CEP135: variants seen among roughly 807,000 people sequenced by gnomAD.
CEP135 encodes centrosomal protein 135, also known as centrosomal protein of 135 kDa.
In CEP135, 142 loss-of-function variants were observed where a neutral mutation model predicts 157.3. The observed-to-expected ratio is 0.90, with a 90% CI of 0.79 to 1.04. The LOEUF is 1.04. CEP135 is among the 50% of genes least tolerant of loss of function. The pLI is 0.00. For missense variants in CEP135, 1,317 were observed against 1,309.2 expected, an observed-to-expected ratio of 1.01 and a Z score of -0.09; for synonymous variants, 396 against 439.8, an observed-to-expected ratio of 0.90 and a Z score of 1.25.
At chr4:55,955,247 G>A (rs1728470313) in intron 4 of CEP135, among the ~76,000 whole-genome samples, 1 of 152,208 alleles carries the variant, frequency 6.6e-6, no homozygotes, top group Non-Finnish European at 1.5e-5. Flanking sequence ...TGGATTATGA[G>A]GCTAGGTCAA....
Position 56,021,230 on chromosome 4 carries a change from A to G in CEP135, c.3320+450A>G, listed in dbSNP as rs574246176. On this transcript the variant is annotated intron_variant, in intron 24 of 25. Transcript: ENST00000257287. ...AAGGTAATGATTTGAAGATAGTAAC[A>G]GCAGTTAACAAATGTGGACCAGACA... Among the ~76,000 whole-genome samples, 384 of 152,324 alleles carry G rather than the reference A, an allele frequency of 2.5e-3. 1 individual carries two copies. Among genetic ancestry groups the G allele is most frequent in the Non-Finnish European group, 4.4e-3 (302 of 68,032 alleles).
At chr4:56,017,203 A>C (rs1730806349) in intron 21 of CEP135, among the ~76,000 whole-genome samples, 1 of 152,122 alleles carries the variant, frequency 6.6e-6, no homozygotes, top group Non-Finnish European at 1.5e-5. Context: ...TAAATTATCC[A>C]GGTATATAGT....
chr4:55,992,024 C>A lies in CEP135; in HGVS notation c.1948C>A (p.Gln650Lys), dbSNP rs1336897811. The change falls in exon 15 of 26, where the codon CAA becomes AAA. Residue 650 changes from glutamine to lysine, a missense_variant. Transcript: ENST00000257287. Reference sequence around the variant, plus strand: ...AGAGAACAAATTAAAAGTCCAAGCTCAAAAATTTAGCCATGTGGCTGGTGA... The same window carrying A: ...AGAGAACAAATTAAAAGTCCAAGCTAAAAAATTTAGCCATGTGGCTGGTGA... The part of the protein sequence containing the change: ...SLENKLKVQA[Q>K]KFSHVAGDSS... 1.4e-5 allele frequency: 22 copies of A among 1,609,928 alleles called. No individual in the cohort carries two copies. The highest frequency in any genetic ancestry group is 1.8e-5 in the Non-Finnish European group (21 of 1,178,604).
At chr4:55,987,591 G>A (rs4128946) in intron 14 of CEP135, among the ~76,000 whole-genome samples, 72,150 of 151,898 alleles carry the variant, frequency 0.47, 17,675 homozygotes, top group African/African-American at 0.6. Context: ...TCATTGCCTG[G>A]TGCCTATTGT....
rs1296809133 is a variant in CEP135 at position 56,032,468 on chromosome 4, T to C, written c.*1120T>C. ...TCAGAAAAAAAAAAAAAGAAAAATATATGGGGTAAATACAGTAAAACGTTT... is the reference window on the plus strand; with the variant it reads ...TCAGAAAAAAAAAAAAAGAAAAATACATGGGGTAAATACAGTAAAACGTTT... On this transcript the variant is annotated 3_prime_UTR_variant, in exon 26 of 26. Transcript: ENST00000257287. The C allele has an allele frequency of 6.6e-6, 1 of 150,692 alleles. No individual in the cohort carries two copies. The highest frequency in any genetic ancestry group is 2.4e-5 in the African/African-American group (1 of 40,922). 9.3% of individuals were successfully genotyped at this position (150,692 alleles called of 1,614,324 possible).
chr4:55,955,145 G>A (rs1004108494), intron 4 of CEP135, among the ~76,000 whole-genome samples: 2 of 152,234 alleles, frequency 1.3e-5, no homozygotes, highest in Non-Finnish European at 1.5e-5. Flanking sequence ...GTATGGGTTG[G>A]TGGTAGAATC....
chr4:56,019,656 C>A, intron 23 of CEP135, 101 bp downstream of exon 23: 2 of 939,938 alleles, frequency 2.1e-6, no homozygotes, highest in Non-Finnish European at 3.1e-6. Flanking sequence ...GAAAGATAGG[C>A]CAGGTGCAGT....
intron 6 of CEP135, among the ~76,000 whole-genome samples, chr4:55,962,956 T>G (rs182574945): frequency 6.6e-6 from 1 of 152,290 alleles, no homozygotes; most frequent in African/African-American, 2.4e-5. Flanking sequence ...ATTGGGCATT[T>G]CCACTTGGGT....
At chr4:55,965,882 TG>T in intron 8 of CEP135, 23 bp downstream of exon 8, 1 of 1,558,462 alleles carries the variant, frequency 6.4e-7, no homozygotes, top group Non-Finnish European at 8.8e-7. Context: ...ATGTGTAGAT[TG>T]TGAGAGTGTT....
chr4:55,982,283 A>G (rs1577884024), intron 13 of CEP135, among the ~76,000 whole-genome samples: 2 of 152,326 alleles, frequency 1.3e-5, no homozygotes, highest in East Asian at 1.9e-4. Flanking sequence ...AGGAACTTGT[A>G]TACAACTTTT....
At chr4:55,967,290 TAAAA>T (rs1416363119) in intron 8 of CEP135, among the ~76,000 whole-genome samples, 1 of 152,154 alleles carries the variant, frequency 6.6e-6, no homozygotes, top group Non-Finnish European at 1.5e-5. Context: ...ATTTATGAAA[TAAAA>T]AAGTAAAATT....
At chr4:56,031,242 A>G (rs1367218746) in intron 25 of CEP135, 118 bp from the exon 26 acceptor site, 1 of 152,604 alleles carries the variant, frequency 6.6e-6, no homozygotes, top group East Asian at 1.9e-4. Context: ...TGGGGCACAG[A>G]GTTTTATTAG....
intron 18 of CEP135, among the ~76,000 whole-genome samples, chr4:56,009,452 G>A (rs375116911): frequency 3.9e-5 from 6 of 152,112 alleles, no homozygotes; most frequent in East Asian, 3.9e-4. Context: ...GTGAGCCACC[G>A]CGCCCAGCCC....
chr4:55,977,821 G>A (rs1729272276), intron 11 of CEP135, among the ~76,000 whole-genome samples: 1 of 152,286 alleles, frequency 6.6e-6, no homozygotes, highest in South Asian at 2.1e-4. Flanking sequence ...GAAATAATTT[G>A]TGTAAGGACC....
chr4:56,032,491 T>C lies in CEP135; in HGVS notation c.*1143T>C, dbSNP rs1330604755. 2 of 151,734 alleles carry C rather than the reference T, an allele frequency of 1.3e-5. No homozygotes were observed. The highest frequency in any genetic ancestry group is 3.9e-4 in the East Asian group (2 of 5,162). The allele number at this position is 151,734 out of a possible 1,614,324, so 9.4% of individuals were successfully genotyped here. A position where few individuals can be genotyped will look rare whatever the true frequency, so the allele number is the denominator to read the frequency against. On this transcript the variant is annotated 3_prime_UTR_variant, in exon 26 of 26. Coordinates refer to ENST00000257287, the MANE Select transcript of CEP135 (RefSeq NM_025009.5). ...TATATGGGGTAAATACAGTAAAACG[T>C]TTTGTTAAATTCCAATATACATTCA...
intron 9 of CEP135, among the ~76,000 whole-genome samples, chr4:55,970,224 A>G (rs1728986774): frequency 6.6e-6 from 1 of 152,202 alleles, no homozygotes; most frequent in South Asian, 2.1e-4. Flanking sequence ...TCCTAGTCAC[A>G]TTTCTTGTTC....
chr4:56,026,157 C>T (rs1021533168), intron 25 of CEP135, among the ~76,000 whole-genome samples: 1 of 151,996 alleles, frequency 6.6e-6, no homozygotes, highest in Non-Finnish European at 1.5e-5. Flanking sequence ...GGCAGTGAGC[C>T]CAGATCGCGC....
At chr4:55,962,148 G>T (rs1339000883) in intron 6 of CEP135, among the ~76,000 whole-genome samples, 1 of 151,514 alleles carries the variant, frequency 6.6e-6, no homozygotes, top group African/African-American at 2.4e-5. Flanking sequence ...CGCCCATGCT[G>T]AAGTGCAGTG....
rs778805249 is a variant in CEP135, at chr4:55,980,181, AAG to A, written c.1516_1517del (p.Asp506Ter). 6.2e-7 allele frequency: 1 copy of A among 1,611,078 alleles called. No individual in the cohort carries two copies. Among genetic ancestry groups the A allele is most frequent in the Non-Finnish European group, 8.5e-7 (1 of 1,178,460 alleles). ...NSEIHQITRE[R>X]DELQRMLERF... is the part of the protein sequence containing the mutation. ...CAGAAATTCATCAGATCACAAGAGAAAGAGATGAACTTCAGCGTATGCTAGAA... is the reference window on the plus strand; with the variant it reads ...CAGAAATTCATCAGATCACAAGAGAAAGATGAACTTCAGCGTATGCTAGAA... On this transcript the variant is annotated frameshift_variant, in exon 12 of 26. Transcript: ENST00000257287. LOFTEE classifies it high-confidence loss of function.
Sources: gnomAD v4.1 joint callset for allele counts (sites outside exome capture counted in the v4.1 genomes callset) on GRCh38, gnomAD v4.1.1 for gene constraint, MANE v1.5 for transcripts, NCBI Gene and HGNC (gene_info 2026-07-23, HGNC 2026-07-21) for gene names.